FAM227A: variants seen among roughly 807,000 people sequenced by gnomAD.
FAM227A encodes the protein protein FAM227A.
In FAM227A, 80 loss-of-function variants were observed where a neutral mutation model predicts 74.7. That is an observed-to-expected ratio of 1.07 (90% confidence interval 0.89 to 1.29). FAM227A has a LOEUF of 1.29. Ranked by LOEUF, FAM227A falls within the 50% of genes most tolerant of loss-of-function variation. The pLI is 0.00. For missense variants in FAM227A, 654 were observed against 683.4 expected (o/e 0.96, Z 0.48); for synonymous variants, 237 against 241.8 (o/e 0.98, Z 0.19).
In FAM227A at chr22:38,626,302, C is replaced by T. The variant is rs1603000620; in HGVS notation, c.728G>A (p.Arg243Lys). Residue 243 changes from arginine to lysine, a missense_variant and splice_region_variant, in exon 9 of 17, where the codon AGG becomes AAG. Coordinates refer to ENST00000535113, the MANE Select transcript of FAM227A (RefSeq NM_001013647.2). The part of the protein sequence containing the change: ...KSHSEEALLK[R>K]LPSLLSKAVY... ...GGCTTTGCTGAGAAGTGATGGCAGC[C>T]TCTGCGGAGCAAGCCGAGCTCAGGC... 6.4e-7 allele frequency: 1 copy of T among 1,550,600 alleles called. No homozygotes were observed. The highest frequency in any genetic ancestry group is 1.2e-5 in the South Asian group (1 of 83,778).
At chr22:38,653,713 T>A (rs369792338) in intron 1 of FAM227A, 1 of 152,014 alleles carries the variant, frequency 6.6e-6, no homozygotes, top group East Asian at 1.9e-4. Context: ...ATCCCCCCCA[T>A]CCCAGGTCTG....
intron 1 of FAM227A, among the ~76,000 whole-genome samples, chr22:38,655,604 T>C (rs2092382067): frequency 6.6e-6 from 1 of 152,224 alleles, no homozygotes; most frequent in African/African-American, 2.4e-5. Context: ...TTTGGACATA[T>C]GGAGTTTAAA....
chr22:38,639,409 GAAAAA>G (rs532672330), intron 4 of FAM227A, among the ~76,000 whole-genome samples: 1 of 105,522 alleles, frequency 9.5e-6, no homozygotes, highest in Non-Finnish European at 2.0e-5. Context: ...ACTCCGTCTC[GAAAAA>G]AAAAAAAAAA....
In FAM227A at chr22:38,626,162, A is replaced by G. The variant is rs1409790232; in HGVS notation, c.850+18T>C. On this transcript the variant is annotated intron_variant, in intron 9 of 16. Coordinates refer to ENST00000535113, the MANE Select transcript of FAM227A (RefSeq NM_001013647.2). ...TTTCTAGAATCGCTTTCCCCGGTGG[A>G]AAAAAGTCACCTCTCACCTGAAATC... 9.7e-6 allele frequency: 15 copies of G among 1,548,580 alleles called. No individual in the cohort carries two copies. The highest frequency in any genetic ancestry group is 1.3e-5 in the Non-Finnish European group (15 of 1,145,870).
At chr22:38,623,596 C>T (rs1407802831) in intron 9 of FAM227A, among the ~76,000 whole-genome samples, 5 of 152,242 alleles carry the variant, frequency 3.3e-5, no homozygotes, top group Admixed American at 3.3e-4. Context: ...ATCTGAAAAA[C>T]GGGGATGATG....
At chr22:38,588,009 T>C (rs190543765) in intron 16 of FAM227A, among the ~76,000 whole-genome samples, 27 of 152,272 alleles carry the variant, frequency 1.8e-4, no homozygotes, top group Admixed American at 1.8e-3. Flanking sequence ...ACCAACAGCA[T>C]TTCATGATAA....
chr22:38,655,037 G>A (rs1485905817), intron 1 of FAM227A, among the ~76,000 whole-genome samples: 1 of 151,518 alleles, frequency 6.6e-6, no homozygotes, highest in African/African-American at 2.4e-5. Flanking sequence ...CTACTTGGGA[G>A]GCGGAGGCAG....
intron 3 of FAM227A, among the ~76,000 whole-genome samples, chr22:38,642,688 C>A (rs1315389500): frequency 6.6e-6 from 1 of 152,200 alleles, no homozygotes; most frequent in African/African-American, 2.4e-5. Context: ...GTAATCCCAG[C>A]ACTTTGGGAG....
rs2090729887 is a variant in FAM227A, at chr22:38,582,890, C to T, written c.*3235G>A. 6.5e-7 allele frequency: 1 copy of T among 1,550,260 alleles called. No homozygotes were observed. ...GCTCCTGGTATATTAGGGAAGGCTCCCAAGATGAGGGACGTCTAAGCGGGG... is the reference window on the plus strand; with the variant it reads ...GCTCCTGGTATATTAGGGAAGGCTCTCAAGATGAGGGACGTCTAAGCGGGG... On this transcript the variant is annotated 3_prime_UTR_variant, in exon 17 of 17. Coordinates refer to ENST00000535113, the MANE Select transcript of FAM227A (RefSeq NM_001013647.2).
intron 1 of FAM227A, among the ~76,000 whole-genome samples, chr22:38,653,035 G>A (rs2092345132): frequency 1.3e-5 from 2 of 152,230 alleles, no homozygotes. Flanking sequence ...GTGAGTGGCA[G>A]GTGAGTGAGA....
intron 13 of FAM227A, among the ~76,000 whole-genome samples, chr22:38,605,045 T>A (rs1175891916): frequency 2.6e-5 from 4 of 152,222 alleles, no homozygotes; most frequent in African/African-American, 9.6e-5. Flanking sequence ...GCTCCCAGCA[T>A]CACTTTGCTC....
rs901517064 is a variant in FAM227A at position 38,620,240 on chromosome 22, G to C, written c.1010C>G (p.Ala337Gly). The C allele has an allele frequency of 2.6e-6, 4 of 1,551,194 alleles. No homozygotes were observed. Among genetic ancestry groups the C allele is most frequent in the Non-Finnish European group, 3.5e-6 (4 of 1,146,744 alleles). ...AGKRAFSQKP[A>G]QSRKFYHPQS... is the part of the protein sequence containing the mutation. ...AGGGTGGTAGAATTTCCTGCTCTGG[G>C]CTGGCTTCTGGGAGAAGGCTCTCTT... Residue 337 changes from alanine (A) to glycine (G), a missense_variant, in exon 11 of 17, where the codon GCC becomes GGC. Transcript: ENST00000535113.
intron 11 of FAM227A, among the ~76,000 whole-genome samples, chr22:38,609,203 G>A (rs1235423908): frequency 6.6e-6 from 1 of 152,160 alleles, no homozygotes; most frequent in Non-Finnish European, 1.5e-5. Context: ...GTTTTTTAAG[G>A]AAGGTTTCCA....
rs201369993 is a variant in FAM227A at position 38,597,297 on chromosome 22, C to T, written c.1439G>A (p.Arg480Gln). ...GTACAACTGATTGAGGTTGTCTTTC[C>T]GCTTCTTCATGCTGCACAGGGTCTC... ...ISETLCSMKK[R>Q]KDNLNQLYQH... is the part of the protein sequence containing the mutation. The change falls in exon 15 of 17, where the codon CGG becomes CAG. Residue 480 changes from arginine to glutamine, a missense_variant. Transcript: ENST00000535113. 209 of 1,551,858 alleles carry T rather than the reference C, an allele frequency of 1.3e-4. No homozygotes were observed. The highest frequency in any genetic ancestry group is 1.7e-4 in the Non-Finnish European group (196 of 1,147,048).
At chr22:38,626,550 C>T (rs1369105906) in intron 8 of FAM227A, among the ~76,000 whole-genome samples, 1 of 151,674 alleles carries the variant, frequency 6.6e-6, no homozygotes, top group African/African-American at 2.4e-5. Flanking sequence ...TGGCTATACT[C>T]TTTAATTTAC....
At chr22:38,638,337 C>G (rs1016528814) in intron 5 of FAM227A, among the ~76,000 whole-genome samples, 1 of 152,144 alleles carries the variant, frequency 6.6e-6, no homozygotes, top group Non-Finnish European at 1.5e-5. Context: ...GACAAGTCAC[C>G]TTCTGCTCCT....
chr22:38,589,971 G>GA (rs2090895467), intron 16 of FAM227A, among the ~76,000 whole-genome samples: 2 of 152,032 alleles, frequency 1.3e-5, no homozygotes, highest in Admixed American at 1.3e-4. Flanking sequence ...AAAGGGCCGG[G>GA]AATGGTGGCT....
At position 38,645,552 on chromosome 22, in the gene FAM227A, A is replaced by G. The variant is rs1052460474; in HGVS notation, c.225+11T>C. Reference sequence around the variant, plus strand: ...AGAAGCTTTGTCTCAGCTCCAGCATAGGTAACTCACCAGGCTGTTGGCCGA... The same window carrying G: ...AGAAGCTTTGTCTCAGCTCCAGCATGGGTAACTCACCAGGCTGTTGGCCGA... On this transcript the variant is annotated intron_variant, in intron 3 of 16. Coordinates refer to ENST00000535113, the MANE Select transcript of FAM227A (RefSeq NM_001013647.2). 1.9e-6 allele frequency: 3 copies of G among 1,546,632 alleles called. No individual in the cohort carries two copies. The South Asian group carries it at 3.6e-5, about 18-fold the overall frequency.
rs543256271 is a variant in FAM227A, at chr22:38,638,612, A to G, written c.372+134T>C. ...TTGTAAGGGTGTTATGAGAAATTCTAGATTCAGGAGCTCTGCGATTTTTCC... is the reference window on the plus strand; with the variant it reads ...TTGTAAGGGTGTTATGAGAAATTCTGGATTCAGGAGCTCTGCGATTTTTCC... On this transcript the variant is annotated intron_variant, in intron 5 of 16. Coordinates refer to ENST00000535113, the MANE Select transcript of FAM227A (RefSeq NM_001013647.2). 125 of 690,628 alleles carry G rather than the reference A, an allele frequency of 1.8e-4. 1 individual carries two copies. The highest frequency in any genetic ancestry group is 1.6e-3 in the Middle Eastern group (6 of 3,844). The allele number at this position is 690,628 out of a possible 1,614,324, so 42.8% of individuals were successfully genotyped here. A position where few individuals can be genotyped will look rare whatever the true frequency, so the allele number is the denominator to read the frequency against.
Sources: allele counts gnomAD v4.1 joint callset (sites outside exome capture counted in the v4.1 genomes callset), GRCh38; gene constraint gnomAD v4.1.1; transcripts MANE v1.5; gene names NCBI Gene and HGNC (gene_info 2026-07-23, HGNC 2026-07-21).